The following PKD1L1 variants were observed in gnomAD, a reference collection of about 807,000 sequenced individuals.
PKD1L1 encodes the protein polycystin 1 like 1, transient receptor potential channel interacting.
A neutral mutation model predicts 323.4 loss-of-function variants in PKD1L1; 236 were observed. That is an observed-to-expected ratio of 0.73 (90% CI 0.66 to 0.81). PKD1L1 has a LOEUF of 0.81. PKD1L1 is among the 40% of genes least tolerant of loss of function. The pLI is 0.00. For missense variants in PKD1L1, 3,320 were observed against 3,508.0 expected (o/e 0.95, Z 1.35); for synonymous variants, 1,344 against 1,335.0 (o/e 1.01, Z -0.15).
At chr7:47,864,576 T>TTTC (rs967936305) in intron 26 of PKD1L1, among the ~76,000 whole-genome samples, 20 of 107,626 alleles carry the variant, frequency 1.9e-4, no homozygotes, top group South Asian at 7.2e-4. Flanking sequence ...TTTTTCTTTC[T>TTTC]TTTCTTTCTT....
rs1583658256 is a variant in PKD1L1 at position 47,898,292 on chromosome 7, T to C, written c.2065-98A>G. On this transcript the variant is annotated intron_variant, in intron 13 of 56. Transcript: ENST00000289672. ...CTTAGTCTTAACTGTAGATCTCCCA[T>C]TATTTGTTTGCATAGTGACAGAATG... 6.8e-6 allele frequency: 7 copies of C among 1,027,674 alleles called. No homozygotes were observed. The East Asian group carries it at 1.5e-4, about 23-fold the overall frequency. 63.7% of individuals were successfully genotyped at this position (1,027,674 alleles called of 1,614,324 possible). A position where few individuals can be genotyped will look rare whatever the true frequency, so the allele number is the denominator to read the frequency against.
chr7:47,943,314 T>A, intron 2 of PKD1L1, 82 bp downstream of exon 2: 1 of 1,126,312 alleles, frequency 8.9e-7, no homozygotes, highest in Non-Finnish European at 1.3e-6. Context: ...GAAATTCCCA[T>A]GTGGAAGATG....
chr7:47,877,870 G>T (rs1213300564), intron 21 of PKD1L1, among the ~76,000 whole-genome samples: 2 of 152,050 alleles, frequency 1.3e-5, no homozygotes, highest in African/African-American at 4.8e-5. Flanking sequence ...GGATTCTGAA[G>T]TTCTGGGGTT....
intron 8 of PKD1L1, among the ~76,000 whole-genome samples, chr7:47,911,583 A>C (rs1787322192): frequency 1.3e-5 from 2 of 152,234 alleles, no homozygotes; most frequent in African/African-American, 4.8e-5. Flanking sequence ...CTTCTACTTA[A>C]TCTTCTAGGA....
At chr7:47,809,618 C>A in intron 50 of PKD1L1, 41 bp from the exon 51 acceptor site, 1 of 1,439,786 alleles carries the variant, frequency 6.9e-7, no homozygotes, top group Non-Finnish European at 9.4e-7. Context: ...AATAGGAATG[C>A]TGATAAATTG....
Position 47,904,378 on chromosome 7 carries a change from CT to C in PKD1L1, c.1930del (p.Arg644GlyfsTer20). The C allele has an allele frequency of 1.9e-6, 3 of 1,614,050 alleles. No homozygotes were observed. The highest frequency in any genetic ancestry group is 2.5e-6 in the Non-Finnish European group (3 of 1,179,992). On this transcript the variant is annotated frameshift_variant and splice_region_variant, in exon 12 of 57. Coordinates refer to ENST00000289672, the MANE Select transcript of PKD1L1 (RefSeq NM_138295.5). LOFTEE classifies it high-confidence loss of function. Reference protein sequence around the residue: ...GSSSSSHVYSREGEFTVEVLA... With the variant: ...GSSSSSHVYSXEGEFTVEVLA... ...ACTCCGCCGCCTTGCAGTGGCTCAC[CT>C]ACTGTAGACATGGCTGCTGGAGCTG...
At chr7:47,960,078 C>CTG in the PKD1L1 span, among the ~76,000 whole-genome samples, 2 of 151,850 alleles carry the variant, frequency 1.3e-5, no homozygotes, top group Non-Finnish European at 2.9e-5. Flanking sequence ...ATCCCCAACC[C>CTG]TGTGCTCTCT....
intron 55 of PKD1L1, among the ~76,000 whole-genome samples, chr7:47,794,029 G>A (rs1787015364): frequency 1.3e-5 from 2 of 152,162 alleles, no homozygotes; most frequent in South Asian, 4.1e-4. Flanking sequence ...GCATTCAAAA[G>A]GTGACTTGGG....
At chr7:47,911,156 T>C (rs895830397) in intron 8 of PKD1L1, among the ~76,000 whole-genome samples, 1 of 152,156 alleles carries the variant, frequency 6.6e-6, no homozygotes, top group Non-Finnish European at 1.5e-5. Context: ...TTTAGTACCA[T>C]CCTTTGGTGG....
At chr7:47,933,621 C>T (rs1373335210) in intron 4 of PKD1L1, among the ~76,000 whole-genome samples, 1 of 152,178 alleles carries the variant, frequency 6.6e-6, no homozygotes, top group African/African-American at 2.4e-5. Flanking sequence ...CTCTCTTCAC[C>T]ATGATCAGCC....
intron 7 of PKD1L1, among the ~76,000 whole-genome samples, chr7:47,922,824 T>C (rs1787580072): frequency 6.6e-6 from 1 of 152,078 alleles, no homozygotes; most frequent in Non-Finnish European, 1.5e-5. Flanking sequence ...GCCGCCACCC[T>C]GTCTGGGAGG....
chr7:47,958,941 CCTGCCG>C, the PKD1L1 span, among the ~76,000 whole-genome samples: 1 of 152,232 alleles, frequency 6.6e-6, no homozygotes, highest in Non-Finnish European at 1.5e-5. Flanking sequence ...CCTGCCTCAG[CCTGCCG>C]AGTGCCTGCG....
At chr7:47,776,805 C>A (rs4339543) in intron 56 of PKD1L1, among the ~76,000 whole-genome samples, 79,937 of 152,094 alleles carry the variant, frequency 0.53, 21,312 homozygotes, top group East Asian at 0.78. Context: ...GACATTGCTC[C>A]GCAATAAAAT....
Position 47,882,076 on chromosome 7 carries a change from G to C in PKD1L1, c.3275C>G (p.Thr1092Ser), listed in dbSNP as rs760682074. 5 of 1,613,372 alleles carry C rather than the reference G, an allele frequency of 3.1e-6. No individual in the cohort carries two copies. Among genetic ancestry groups the C allele is most frequent in the Non-Finnish European group, 8.5e-7 (1 of 1,179,878 alleles). The stretch of plus-strand genomic sequence containing the variant: ...GCTAGGTCCTGATCCTGGAAAGCTG[G>C]TGTCCTTAGCTAGGAAGATAAACCA... Reference protein sequence around the residue: ...PSGGRQPAKDTSFPGSGPSLS... With the variant: ...PSGGRQPAKDSSFPGSGPSLS... Residue 1092 changes from threonine to serine, a missense_variant, in exon 20 of 57, where the codon ACC becomes AGC. Thr to Ser is a moderately conservative substitution (Grantham distance 58). Coordinates refer to ENST00000289672, the MANE Select transcript of PKD1L1 (RefSeq NM_138295.5).
intron 24 of PKD1L1, among the ~76,000 whole-genome samples, chr7:47,867,106 AG>A (rs1477240217): frequency 1.3e-5 from 2 of 152,238 alleles, no homozygotes; most frequent in African/African-American, 4.8e-5. Context: ...TATGAGCACA[AG>A]AGTATTGTTT....
In PKD1L1 at chr7:47,865,752, ATT is replaced by A. The variant is rs540966946; in HGVS notation, c.4093-482_4093-481del. Among the ~76,000 whole-genome samples the A allele has an allele frequency of 1.5e-3, 211 of 137,056 alleles. 2 individuals are homozygous for A. Among genetic ancestry groups the A allele is most frequent in the African/African-American group, 3.9e-3 (142 of 36,292 alleles). 89.9% of individuals were successfully genotyped at this position (137,056 alleles called of 152,430 possible). A position where few individuals can be genotyped will look rare whatever the true frequency, so the allele number is the denominator to read the frequency against. ...ACGCGCCTGCCACCACACCTGGCTA[ATT>A]TTTTTTTTTTTTTTGTATTTTTAGC... is the stretch of plus-strand genomic sequence containing the variant. On this transcript the variant is annotated intron_variant, in intron 25 of 56. Coordinates refer to ENST00000289672, the MANE Select transcript of PKD1L1 (RefSeq NM_138295.5).
intron 56 of PKD1L1, among the ~76,000 whole-genome samples, chr7:47,788,334 G>A (rs1164257760): frequency 1.3e-5 from 2 of 149,530 alleles, no homozygotes; most frequent in African/African-American, 2.4e-5. Flanking sequence ...CTATTGCCCA[G>A]GCTGGAAATG....
Position 47,840,077 on chromosome 7 carries a change from G to A in PKD1L1, c.5552+384C>T, listed in dbSNP as rs965365833. Among the ~76,000 whole-genome samples, 2 of 152,098 alleles carry A rather than the reference G, an allele frequency of 1.3e-5. No individual in the cohort carries two copies. The highest frequency in any genetic ancestry group is 2.9e-5 in the Non-Finnish European group (2 of 68,036). On this transcript the variant is annotated intron_variant, in intron 35 of 56. Transcript: ENST00000289672. This position sits in a 1 kb window ranked among gnomAD's most constrained non-coding sequence, Gnocchi z 4.1. ...CCTTTCATATTTTCTAAGACGCCAG[G>A]TGCTTGCATCCTATCTTGTTAAATT...
chr7:47,847,920 C>G (rs1785698639), intron 31 of PKD1L1, among the ~76,000 whole-genome samples: 1 of 151,912 alleles, frequency 6.6e-6, no homozygotes, highest in Non-Finnish European at 1.5e-5. Context: ...AGCTCTTAAA[C>G]ATCAAGAAAA....
Sources: gnomAD v4.1 joint callset for allele counts (sites outside exome capture counted in the v4.1 genomes callset) on GRCh38, gnomAD v4.1.1 for gene constraint, Gnocchi (gnomAD v3.1) non-coding constraint, MANE v1.5 for transcripts, NCBI Gene and HGNC (gene_info 2026-07-23, HGNC 2026-07-21) for gene names.